The following TPH2 variants were observed in gnomAD, a reference collection of about 807,000 sequenced individuals.
TPH2 encodes tryptophan hydroxylase 2, also known as tryptophan 5-hydroxylase 2.
Under a neutral mutation model 59.1 loss-of-function variants are expected in TPH2, and 27 were observed. The observed-to-expected ratio is 0.46, with a 90% CI of 0.34 to 0.63. The LOEUF (loss-of-function observed/expected upper bound fraction) is 0.63. Among genes scored for constraint, TPH2 ranks in the 30% least tolerant of loss-of-function variants. The probability of loss-of-function intolerance (pLI) is 0.01; values close to 1 mark genes in which losing one functional copy is unlikely to be tolerated. For missense variants in TPH2, 523 were observed against 588.3 expected (o/e 0.89, Z 1.15); for synonymous variants, 220 against 210.5 (o/e 1.05, Z -0.39).
chr12:72,028,324 C>G (rs1873625026), intron 9 of TPH2, among the ~76,000 whole-genome samples: 1 of 152,146 alleles, frequency 6.6e-6, no homozygotes, highest in Admixed American at 6.6e-5. Flanking sequence ...AGAATCCACT[C>G]TGGACATAGA....
chr12:71,971,699 C>T (rs73342886), intron 5 of TPH2, among the ~76,000 whole-genome samples: 8,986 of 152,222 alleles, frequency 0.059, 413 homozygotes, highest in South Asian at 0.17. Context: ...CAGTCCAGCA[C>T]GGTGTCTCAA....
At position 71,994,577 on chromosome 12, in the gene TPH2, T is replaced by C; in HGVS notation, c.1068+12T>C. On this transcript the variant is annotated intron_variant, in intron 8 of 10. Transcript: ENST00000333850. The stretch of plus-strand genomic sequence containing the variant: ...AGAAACTAGCCACGGTGAGTTCATT[T>C]TCAACTTAAAACCAGTGCTATTTAT... 1 of 1,613,656 alleles carries C rather than the reference T, an allele frequency of 6.2e-7. No individual in the cohort carries two copies. The highest frequency in any genetic ancestry group is 8.5e-7 in the Non-Finnish European group (1 of 1,179,640).
Position 71,941,701 on chromosome 12 carries a change from G to T in TPH2, c.223G>T (p.Gly75Cys), listed in dbSNP as rs1370524283. The T allele has an allele frequency of 1.2e-6, 2 of 1,614,048 alleles. No individual in the cohort carries two copies. The highest frequency in any genetic ancestry group is 1.1e-5 in the South Asian group (1 of 91,076). ...TGTTTTCTCCTTGAAGAATGAAGTT[G>T]GTGGATTGGTAAAAGCACTGAGGCT... Reference protein sequence around the residue: ...AVVFSLKNEVGGLVKALRLFQ... With the variant: ...AVVFSLKNEVCGLVKALRLFQ... Residue 75 changes from glycine (G) to cysteine (C), a missense_variant, in exon 2 of 11, where the codon GGT (glycine) becomes TGT (cysteine). Transcript: ENST00000333850.
rs560525446 is a variant in TPH2 at position 71,950,148 on chromosome 12, C to T, written c.608+493C>T. The stretch of plus-strand genomic sequence containing the variant: ...AGGGGTTATGAAGGAGTTTCACACC[C>T]ATTCCCAGATCAGAGTTGGGATGGA... On this transcript the variant is annotated intron_variant, in intron 5 of 10. Coordinates refer to ENST00000333850, the MANE Select transcript of TPH2 (RefSeq NM_173353.4). 1.4e-3 allele frequency among the ~76,000 whole-genome samples: 211 copies of T among 152,308 alleles called. 1 individual carries two copies. The highest frequency in any genetic ancestry group is 3.4e-3 in the Middle Eastern group (1 of 294).
intron 7 of TPH2, among the ~76,000 whole-genome samples, chr12:71,989,349 C>T (rs374587982): frequency 1.1e-4 from 16 of 152,216 alleles, no homozygotes; most frequent in Admixed American, 1.3e-4. Flanking sequence ...CTGTCTGCAA[C>T]GCATCCCAGT....
chr12:71,988,458 G>A (rs542504696), intron 7 of TPH2, among the ~76,000 whole-genome samples: 11 of 152,160 alleles, frequency 7.2e-5, no homozygotes, highest in Non-Finnish European at 1.2e-4. Flanking sequence ...CATGATGGAA[G>A]ACAAAAAGAG....
At chr12:71,990,376 C>A (rs928600242) in intron 7 of TPH2, among the ~76,000 whole-genome samples, 41 of 152,212 alleles carry the variant, frequency 2.7e-4, no homozygotes, top group African/African-American at 9.9e-4. Context: ...TTCAGCCCAA[C>A]AGACCTTAAT....
intron 5 of TPH2, among the ~76,000 whole-genome samples, chr12:71,965,898 C>A (rs957919583): frequency 1.3e-5 from 2 of 152,142 alleles, no homozygotes; most frequent in African/African-American, 4.8e-5. Context: ...TTCCCATATC[C>A]AAGAGGGTAC....
intron 5 of TPH2, chr12:71,961,691 T>C (rs769237826): frequency 1.0e-5 from 14 of 1,350,144 alleles, no homozygotes; most frequent in Non-Finnish European, 1.4e-5. Context: ...TTGCTGTTGA[T>C]ATTTAATTTC....
At chr12:71,987,084 G>A (rs1872457832) in intron 7 of TPH2, among the ~76,000 whole-genome samples, 1 of 152,174 alleles carries the variant, frequency 6.6e-6, no homozygotes, top group African/African-American at 2.4e-5. Flanking sequence ...TCTCTATTAG[G>A]TGGACAGGAT....
intron 6 of TPH2, among the ~76,000 whole-genome samples, chr12:71,973,882 C>A (rs931104897): frequency 6.6e-6 from 1 of 152,046 alleles, no homozygotes; most frequent in African/African-American, 2.4e-5. Context: ...CCCAATGAAT[C>A]ATACAGTGAC....
intron 5 of TPH2, among the ~76,000 whole-genome samples, chr12:71,950,578 T>C (rs1490938954): frequency 6.6e-6 from 1 of 152,186 alleles, no homozygotes; most frequent in African/African-American, 2.4e-5. Context: ...GTGTTTGTTC[T>C]ACTCATGCTA....
chr12:71,961,415 G>C (rs1592388202), intron 5 of TPH2: 1 of 664,902 alleles, frequency 1.5e-6, no homozygotes, highest in African/African-American at 1.9e-5. Flanking sequence ...TGAGCTGTAG[G>C]ATAATCACGC....
At chr12:71,952,322 G>A (rs529602084) in intron 5 of TPH2, among the ~76,000 whole-genome samples, 8 of 152,156 alleles carry the variant, frequency 5.3e-5, no homozygotes, top group Non-Finnish European at 1.2e-4. Context: ...AAAGAGGGCT[G>A]GATGGAGCTG....
chr12:71,970,871 A>G (rs986636358), intron 5 of TPH2, among the ~76,000 whole-genome samples: 2 of 152,230 alleles, frequency 1.3e-5, no homozygotes, highest in East Asian at 3.8e-4. Context: ...TATTCAGAGA[A>G]AGCAAATGTG....
At position 72,022,508 on chromosome 12, in the gene TPH2, A is replaced by T. The variant is rs141296191; in HGVS notation, c.1164+14A>T. 3.9e-5 allele frequency: 61 copies of T among 1,573,052 alleles called. No homozygotes were observed. The African/African-American group carries it at 8.2e-4, about 21-fold the overall frequency. On this transcript the variant is annotated intron_variant, in intron 9 of 10. Transcript: ENST00000333850. ...GGAGAATTAAAGGTATGAAGCTGTG[A>T]ATGAAAATACCCTTCCCATGCAAAC...
Position 71,979,953 on chromosome 12 carries a change from T to A in TPH2, c.941+866T>A, listed in dbSNP as rs919324361. On this transcript the variant is annotated intron_variant, in intron 7 of 10. Transcript: ENST00000333850. ...TGAATGGTGAAGACAATGGTTAGCA[T>A]ACAGACAGACAGACAGACAGACAGG... Among the ~76,000 whole-genome samples, 7 of 151,132 alleles carry A rather than the reference T, an allele frequency of 4.6e-5. No homozygotes were observed. The South Asian group carries it at 1.2e-3, about 27-fold the overall frequency.
intron 5 of TPH2, chr12:71,965,383 C>T (rs1295543148): frequency 6.6e-6 from 1 of 152,182 alleles, no homozygotes; most frequent in Non-Finnish European, 1.5e-5. Context: ...AATGGTTGAA[C>T]TAATTTACAC....
chr12:72,018,630 A>G (rs898096252), intron 8 of TPH2, among the ~76,000 whole-genome samples: 1 of 152,194 alleles, frequency 6.6e-6, no homozygotes, highest in African/African-American at 2.4e-5. Context: ...ATGCTTTTGA[A>G]TTTGATAGCA....
Sources: gnomAD v4.1 joint callset for allele counts (sites outside exome capture counted in the v4.1 genomes callset) on GRCh38, gnomAD v4.1.1 for gene constraint, MANE v1.5 for transcripts, NCBI Gene and HGNC (gene_info 2026-07-23, HGNC 2026-07-21) for gene names.